The following QKI variants were observed in gnomAD, a reference collection of about 807,000 sequenced individuals.
QKI encodes the protein QKI, KH domain containing RNA binding.
In QKI, 10 loss-of-function variants were observed where a neutral mutation model predicts 39.0. The observed-to-expected ratio is 0.26, with a 90% CI of 0.16 to 0.43. QKI has a LOEUF of 0.43. Among genes scored for constraint, QKI ranks in the 20% least tolerant of loss-of-function variants. The probability of loss-of-function intolerance (pLI) is 1.00; values close to 1 mark genes in which losing one functional copy is unlikely to be tolerated. For missense variants in QKI, 218 were observed against 428.0 expected (o/e 0.51, Z 4.33); for synonymous variants, 204 against 155.4 (o/e 1.31, Z -2.33).
In QKI at chr6:163,575,778, A is replaced by G. The variant is rs1783944513; in HGVS notation, c.*5068A>G. ...GTTTAAATGAAATTGCTCACTACCA[A>G]ATCAAGACTCTTCATATATATACGT... On this transcript the variant is annotated 3_prime_UTR_variant, in exon 8 of 8. Coordinates refer to ENST00000361752, the MANE Select transcript of QKI (RefSeq NM_006775.3). The G allele has an allele frequency of 6.6e-6, 1 of 152,066 alleles. No homozygotes were observed. The highest frequency in any genetic ancestry group is 6.5e-5 in the Admixed American group (1 of 15,278). 9.4% of individuals were successfully genotyped at this position (152,066 alleles called of 1,614,324 possible). A position where few individuals can be genotyped will look rare whatever the true frequency, so the allele number is the denominator to read the frequency against.
At chr6:163,472,668 C>G (rs1792289962) in intron 2 of QKI, among the ~76,000 whole-genome samples, 1 of 152,078 alleles carries the variant, frequency 6.6e-6, no homozygotes, top group Admixed American at 6.6e-5. Context: ...TTAAGGATGG[C>G]TATTACATAT....
intron 4 of QKI, among the ~76,000 whole-genome samples, chr6:163,553,106 ATTTATTTATTTT>A (rs1200143295): frequency 3.5e-4 from 24 of 67,936 alleles, no homozygotes; most frequent in Admixed American, 1.3e-3. Context: ...TTATTTATTT[ATTTATTTATTTT>A]TTGAGATGGA....
At chr6:163,515,926 T>C (rs1266093906) in intron 3 of QKI, among the ~76,000 whole-genome samples, 10 of 152,210 alleles carry the variant, frequency 6.6e-5, no homozygotes, top group African/African-American at 2.2e-4. Context: ...CTCTTTGTGG[T>C]ATAAGCTGAT....
Position 163,566,807 on chromosome 6 carries a change from T to TGG in QKI, c.1009+12_1009+13insGG, listed in dbSNP as rs773334736. ...GACCGCAGACCGAGGTTAGTTTAGTTCTGCAGTTCTTGTCTATAAGAAATG... is the reference window on the plus strand; with the variant it reads ...GACCGCAGACCGAGGTTAGTTTAGTTGGCTGCAGTTCTTGTCTATAAGAAATG... On this transcript the variant is annotated intron_variant, in intron 7 of 7. Transcript: ENST00000361752. The TGG allele has an allele frequency of 1.2e-6, 2 of 1,613,198 alleles. No individual in the cohort carries two copies. The highest frequency in any genetic ancestry group is 1.7e-6 in the Non-Finnish European group (2 of 1,179,540).
chr6:163,563,847 A>G, intron 6 of QKI, 128 bp downstream of exon 6: 2 of 1,465,200 alleles, frequency 1.4e-6, no homozygotes, highest in Middle Eastern at 2.6e-4. Context: ...ACCGAAAACT[A>G]AATTTTGTTT....
intron 3 of QKI, among the ~76,000 whole-genome samples, chr6:163,533,733 G>A (rs1024370299): frequency 6.6e-6 from 1 of 152,116 alleles, no homozygotes; most frequent in Non-Finnish European, 1.5e-5. Context: ...CTGACTCAGA[G>A]TTCACTCTTT....
At chr6:163,450,811 C>G (rs1328034705) in intron 1 of QKI, among the ~76,000 whole-genome samples, 2 of 151,984 alleles carry the variant, frequency 1.3e-5, no homozygotes, top group Admixed American at 1.3e-4. Flanking sequence ...AAATACTCCC[C>G]AAAGCTGAAA....
chr6:163,470,436 G>A (rs1792099396), intron 2 of QKI, among the ~76,000 whole-genome samples: 2 of 152,114 alleles, frequency 1.3e-5, no homozygotes, highest in African/African-American at 4.8e-5. Context: ...CCTGGCAGAA[G>A]CTGATATGTA....
chr6:163,560,415 C>T (rs769216416), intron 4 of QKI, among the ~76,000 whole-genome samples: 1 of 152,050 alleles, frequency 6.6e-6, no homozygotes, highest in Non-Finnish European at 1.5e-5. Context: ...AATGTATTGA[C>T]CACATTAAGT....
chr6:163,460,060 A>G (rs1461669680), intron 2 of QKI, among the ~76,000 whole-genome samples: 3 of 152,314 alleles, frequency 2.0e-5, no homozygotes, highest in South Asian at 4.1e-4. Context: ...AAATTGTTCT[A>G]TAGGATCTGC....
intron 2 of QKI, among the ~76,000 whole-genome samples, chr6:163,463,694 A>G (rs970682413): frequency 2.0e-5 from 3 of 152,214 alleles, no homozygotes; most frequent in African/African-American, 7.2e-5. Context: ...GCTAAGTAAC[A>G]ATTAGAAAAA....
At chr6:163,451,369 T>C (rs549128330) in intron 1 of QKI, among the ~76,000 whole-genome samples, 1 of 152,290 alleles carries the variant, frequency 6.6e-6, no homozygotes, top group Admixed American at 6.5e-5. Context: ...GGGTTTTGCA[T>C]ATTAAAAGGG....
At chr6:163,538,002 T>G (rs1013777095) in intron 4 of QKI, among the ~76,000 whole-genome samples, 4 of 150,678 alleles carry the variant, frequency 2.7e-5, no homozygotes, top group African/African-American at 9.7e-5. Context: ...TTTTACTTTT[T>G]GCTATACCTA....
chr6:163,440,212 T>C (rs1451130578), intron 1 of QKI, among the ~76,000 whole-genome samples: 6 of 152,228 alleles, frequency 3.9e-5, no homozygotes, highest in Non-Finnish European at 8.8e-5. Flanking sequence ...TCACTCACTC[T>C]AGCAGCAACC....
At chr6:163,500,145 G>C (rs992740801) in intron 3 of QKI, among the ~76,000 whole-genome samples, 1 of 152,172 alleles carries the variant, frequency 6.6e-6, no homozygotes, top group Non-Finnish European at 1.5e-5. Context: ...AAGAGAAGAC[G>C]TTTATGTCCC....
At chr6:163,474,215 A>G (rs1263849534) in intron 2 of QKI, among the ~76,000 whole-genome samples, 1 of 152,206 alleles carries the variant, frequency 6.6e-6, no homozygotes, top group Non-Finnish European at 1.5e-5. Flanking sequence ...GTTTAAGATT[A>G]AACTTTATGG....
At chr6:163,476,881 T>C (rs1464099433) in intron 2 of QKI, among the ~76,000 whole-genome samples, 1 of 152,226 alleles carries the variant, frequency 6.6e-6, no homozygotes, top group African/African-American at 2.4e-5. Context: ...CTGGACCTTG[T>C]GTATGTATTG....
At chr6:163,438,286 A>G (rs1789465636) in intron 1 of QKI, among the ~76,000 whole-genome samples, 1 of 152,204 alleles carries the variant, frequency 6.6e-6, no homozygotes, top group Admixed American at 6.5e-5. Context: ...GTATTTCCAG[A>G]ATATAATTTT....
At chr6:163,525,356 CCCTTCCTTT>C (rs1362928746) in intron 3 of QKI, among the ~76,000 whole-genome samples, 1 of 150,166 alleles carries the variant, frequency 6.7e-6, no homozygotes, top group Non-Finnish European at 1.5e-5. Context: ...TTCTTTCCCT[CCCTTCCTTT>C]CCTTTCTTTC....
Sources: allele counts gnomAD v4.1 joint callset (sites outside exome capture counted in the v4.1 genomes callset), GRCh38; gene constraint gnomAD v4.1.1; transcripts MANE v1.5; gene names NCBI Gene and HGNC (gene_info 2026-07-23, HGNC 2026-07-21).